The following LARP6 variants were observed in gnomAD, a reference collection of about 807,000 sequenced individuals.
The protein encoded by LARP6 is La ribonucleoprotein 6, translational regulator, also known as la-related protein 6.
Under a neutral mutation model 32.8 loss-of-function variants are expected in LARP6, and 18 were observed. The observed-to-expected ratio is 0.55, with a 90% CI of 0.38 to 0.81. LARP6 has a LOEUF of 0.81. Ranked by LOEUF, LARP6 falls within the 40% of genes least tolerant of loss-of-function variation. The pLI is 0.00. For synonymous variants in LARP6, 289 were observed against 267.2 expected (o/e 1.08, Z -0.80); for missense variants, 598 against 663.1 (o/e 0.90, Z 1.08).
chr15:70,851,755 T>C (rs1567024383), intron 1 of LARP6: 2 of 1,613,754 alleles, frequency 1.2e-6, no homozygotes, highest in Non-Finnish European at 1.7e-6. Flanking sequence ...ATCACAATTG[T>C]GGAAGGTGCT....
At chr15:70,843,982 A>C (rs547632964) in intron 1 of LARP6, among the ~76,000 whole-genome samples, 2 of 136,596 alleles carry the variant, frequency 1.5e-5, no homozygotes, top group African/African-American at 5.5e-5. Flanking sequence ...TTTTTAAGAC[A>C]GTCTCACTCT....
chr15:70,830,471 G>C lies in LARP6; in HGVS notation c.*1581C>G, dbSNP rs2032020357. 6.6e-6 allele frequency: 1 copy of C among 152,184 alleles called. No homozygotes were observed. The highest frequency in any genetic ancestry group is 2.1e-4 in the South Asian group (1 of 4,826). The allele number at this position is 152,184 out of a possible 1,614,324, so 9.4% of individuals were successfully genotyped here. On this transcript the variant is annotated 3_prime_UTR_variant, in exon 3 of 3. Transcript: ENST00000299213. ...TATGGTGGATTCTTTTTTGAATATG[G>C]ATAGTAAAGATCAGAAATGTTGAGT...
rs186868082 is a variant in LARP6 at position 70,852,080 on chromosome 15, T to C, written c.200+1809A>G. On this transcript the variant is annotated intron_variant, in intron 1 of 2. Transcript: ENST00000299213. ...AGATTGAGGAATCTGGGTTTTCTCC[T>C]GTAGGCTCCAGGAGCTGAGAACATT... 1.3e-3 allele frequency: 454 copies of C among 354,780 alleles called. 2 individuals carry two copies. Among genetic ancestry groups the C allele is most frequent in the Admixed American group, 5.9e-3 (154 of 26,080 alleles). The allele number at this position is 354,780 out of a possible 1,614,324, so 22.0% of individuals were successfully genotyped here. A position where few individuals can be genotyped will look rare whatever the true frequency, so the allele number is the denominator to read the frequency against.
chr15:70,833,170 G>A, intron 2 of LARP6, 54 bp from the exon 3 acceptor site: 1 of 1,454,116 alleles, frequency 6.9e-7, no homozygotes, highest in Non-Finnish European at 9.6e-7. Context: ...GTCCATCCTT[G>A]TGTATGCTAT....
chr15:70,841,802 G>A (rs748909589), intron 1 of LARP6, among the ~76,000 whole-genome samples: 2 of 151,936 alleles, frequency 1.3e-5, no homozygotes, highest in African/African-American at 2.4e-5. Context: ...GGATGCTAGT[G>A]CCATGCTTCC....
Position 70,853,965 on chromosome 15 carries a change from C to T in LARP6, c.124G>A (p.Gly42Ser). Reference sequence around the variant, plus strand: ...AGGTACCGGGCCGGGTCCCCGGCGCCCCGAGTCTCCGCCCCCTCCTCCTCG... The same window carrying T: ...AGGTACCGGGCCGGGTCCCCGGCGCTCCGAGTCTCCGCCCCCTCCTCCTCG... ...EDEEEGAETR[G>S]AGDPARYLSP... The change falls in exon 1 of 3, where the codon GGC becomes AGC. Residue 42 changes from glycine to serine, a missense_variant. Gly to Ser is a moderately conservative substitution (Grantham distance 56). This residue lies in a region of LARP6 where 161 missense variants were observed against 148.6 expected (regional missense o/e 1.08). Coordinates refer to ENST00000299213, the MANE Select transcript of LARP6 (RefSeq NM_018357.4). 1 of 1,457,874 alleles carries T rather than the reference C, an allele frequency of 6.9e-7. No individual in the cohort carries two copies. Among genetic ancestry groups the T allele is most frequent in the Non-Finnish European group, 9.1e-7 (1 of 1,099,968 alleles). The allele number at this position is 1,457,874 out of a possible 1,614,324, so 90.3% of individuals were successfully genotyped here.
chr15:70,832,519 T>C lies in LARP6; in HGVS notation c.1009A>G (p.Asn337Asp). The change falls in exon 3 of 3, where the codon AAC becomes GAC. Residue 337 changes from asparagine to aspartate, a missense_variant. Physicochemically the swap from Asn to Asp is conservative, Grantham distance 23. Transcript: ENST00000299213. ...TTGCTCTCGGGGTCAGAGGAGCTGT[T>C]GGCAGAAGACTCATCACCCATGTAC... The part of the protein sequence containing the change: ...LQYMGDESSA[N>D]SSSDPESNPT... The C allele has an allele frequency of 6.5e-7, 1 of 1,543,018 alleles. No homozygotes were observed. The highest frequency in any genetic ancestry group is 8.7e-7 in the Non-Finnish European group (1 of 1,148,828).
At chr15:70,852,027 T>C in intron 1 of LARP6, 2 of 398,422 alleles carry the variant, frequency 5.0e-6, no homozygotes, top group Non-Finnish European at 9.6e-6. Flanking sequence ...GAGGAGATGA[T>C]GTGAGTGGGT....
At chr15:70,853,831 T>A (rs531031621) in intron 1 of LARP6, 58 bp downstream of exon 1, 20 of 1,174,854 alleles carry the variant, frequency 1.7e-5, no homozygotes, top group Admixed American at 4.4e-5. Flanking sequence ...CGCCCCGAAC[T>A]CGCGCGCGGC....
intron 1 of LARP6, chr15:70,852,272 C>A (rs777357956): frequency 1.2e-3 from 552 of 455,738 alleles, no homozygotes; most frequent in Non-Finnish European, 2.0e-3. Context: ...TGCCAGTGGG[C>A]AGCAGGAAGG....
chr15:70,853,769 C>A, intron 1 of LARP6, 120 bp downstream of exon 1: 1 of 718,844 alleles, frequency 1.4e-6, no homozygotes, highest in Non-Finnish European at 1.9e-6. Flanking sequence ...GCTTCCCCGG[C>A]GGCGGGGCTG....
Position 70,853,925 on chromosome 15 carries a change from C to A in LARP6, c.164G>T (p.Gly55Val), listed in dbSNP as rs2032567323. The A allele has an allele frequency of 3.5e-6, 5 of 1,409,820 alleles. No individual in the cohort carries two copies. The highest frequency in any genetic ancestry group is 2.6e-5 in the Admixed American group (1 of 38,092). 87.3% of individuals were successfully genotyped at this position (1,409,820 alleles called of 1,614,324 possible). ...DPARYLSPGW[G>V]SASEEEPSRG... ...GCTCGGCTCCTCCTCGCTCGCGCTGCCCCAGCCGGGGCTGAGGTACCGGGC... is the reference window on the plus strand; with the variant it reads ...GCTCGGCTCCTCCTCGCTCGCGCTGACCCAGCCGGGGCTGAGGTACCGGGC... The change falls in exon 1 of 3, where the codon GGC (glycine) becomes GTC (valine). Residue 55 changes from glycine (G) to valine (V), a missense_variant. Transcript: ENST00000299213.
chr15:70,832,202 C>T lies in LARP6; in HGVS notation c.1326G>A (p.Gly442=), dbSNP rs965054480. 2 of 1,613,948 alleles carry T rather than the reference C, an allele frequency of 1.2e-6. No individual in the cohort carries two copies. The highest frequency in any genetic ancestry group is 1.3e-5 in the African/African-American group (1 of 74,934). The change falls in exon 3 of 3, where the codon GGG becomes GGA. Residue 442 remains glycine (G), a synonymous_variant. Transcript: ENST00000299213. The part of the protein sequence containing the change: ...WVRRRRQAEM[G]TQEKSPGTSP... ...TCGTACCGGGGCTTTTCTCCTGGGT[C>T]CCCATCTCGGCTTGGCGACGCCTCC... is the stretch of plus-strand genomic sequence containing the variant.
chr15:70,840,521 C>A (rs1170962871), intron 1 of LARP6, among the ~76,000 whole-genome samples: 8 of 152,112 alleles, frequency 5.3e-5, no homozygotes, highest in East Asian at 3.8e-4. Context: ...GCCTGGGTGA[C>A]AAGAGCGAAA....
intron 1 of LARP6, among the ~76,000 whole-genome samples, chr15:70,839,973 C>A (rs1031126821): frequency 6.6e-6 from 1 of 152,152 alleles, no homozygotes; most frequent in Non-Finnish European, 1.5e-5. Flanking sequence ...AGTTGTTGGG[C>A]CAGCTCTTAT....
intron 1 of LARP6, among the ~76,000 whole-genome samples, chr15:70,842,557 G>A (rs1054766586): frequency 6.6e-6 from 1 of 152,142 alleles, no homozygotes; most frequent in African/African-American, 2.4e-5. Flanking sequence ...ACAATCTGAT[G>A]TAGCATCAGA....
intron 1 of LARP6, among the ~76,000 whole-genome samples, chr15:70,837,531 T>C (rs911939311): frequency 4.2e-4 from 64 of 152,238 alleles, no homozygotes; most frequent in African/African-American, 1.4e-3. Context: ...GAAGACAGTA[T>C]AGCAGAGTTA....
chr15:70,835,142 CATTAAAAT>C (rs2032124190), intron 2 of LARP6, among the ~76,000 whole-genome samples: 1 of 152,194 alleles, frequency 6.6e-6, no homozygotes, highest in Non-Finnish European at 1.5e-5. Flanking sequence ...GTTCTCTGAC[CATTAAAAT>C]ATCCCTTCCA....
chr15:70,839,678 G>C (rs2032216226), intron 1 of LARP6, among the ~76,000 whole-genome samples: 1 of 151,882 alleles, frequency 6.6e-6, no homozygotes, highest in South Asian at 2.1e-4. Context: ...TGCCTCCCGG[G>C]TTCACGCCAT....
Sources: allele counts gnomAD v4.1 joint callset (sites outside exome capture counted in the v4.1 genomes callset), GRCh38; gene constraint gnomAD v4.1.1; regional missense constraint gnomAD v4.1.1; transcripts MANE v1.5; gene names NCBI Gene and HGNC (gene_info 2026-07-23, HGNC 2026-07-21).